MYLIP: variants seen among roughly 807,000 people sequenced by gnomAD.
MYLIP encodes myosin regulatory light chain interacting protein, also known as E3 ubiquitin-protein ligase MYLIP.
In MYLIP, 26 loss-of-function variants were observed where a neutral mutation model predicts 45.8. That is an observed-to-expected ratio of 0.57 (90% CI 0.42 to 0.79). MYLIP has a LOEUF of 0.79. MYLIP is among the 30% of genes least tolerant of loss of function. MYLIP has a pLI of 0.00. For missense variants in MYLIP, 494 were observed against 555.6 expected (o/e 0.89, Z 1.11); for synonymous variants, 213 against 218.1 (o/e 0.98, Z 0.21).
At chr6:16,131,590 C>T (rs755361705) in intron 2 of MYLIP, among the ~76,000 whole-genome samples, 17 of 152,206 alleles carry the variant, frequency 1.1e-4, no homozygotes, top group Non-Finnish European at 2.9e-5. Flanking sequence ...AGGAAAACAG[C>T]TACTTTGAAG....
intron 2 of MYLIP, among the ~76,000 whole-genome samples, chr6:16,131,338 C>T (rs1759457156): frequency 6.6e-6 from 1 of 152,132 alleles, no homozygotes; most frequent in African/African-American, 2.4e-5. Context: ...AATTCCAACC[C>T]ACAGATATGT....
chr6:16,145,598 C>T (rs1036253431), intron 6 of MYLIP, among the ~76,000 whole-genome samples: 12 of 152,192 alleles, frequency 7.9e-5, no homozygotes, highest in African/African-American at 2.9e-4. Flanking sequence ...TAGCGGCTTA[C>T]CTGAGGACAA....
chr6:16,151,879 T>C (rs1431986917), downstream of MYLIP, among the ~76,000 whole-genome samples: 1 of 152,224 alleles, frequency 6.6e-6, no homozygotes, highest in Non-Finnish European at 1.5e-5. Flanking sequence ...AGGGGGAAGC[T>C]CTTTTTTCTA....
intron 2 of MYLIP, among the ~76,000 whole-genome samples, chr6:16,134,029 C>T (rs2113518620): frequency 6.6e-6 from 1 of 152,150 alleles, no homozygotes; most frequent in East Asian, 1.9e-4. Flanking sequence ...ATCCTCAGCC[C>T]TCAGAAAAGT....
intron 2 of MYLIP, among the ~76,000 whole-genome samples, chr6:16,135,547 T>C (rs140662942): frequency 1.8e-4 from 28 of 152,164 alleles, no homozygotes; most frequent in African/African-American, 6.7e-4. Context: ...GTGACAAGTT[T>C]CTCAGTGGCA....
At position 16,143,186 on chromosome 6, in the gene MYLIP, A is replaced by G. The variant is rs1035390859; in HGVS notation, c.631A>G (p.Ile211Val). 56 of 1,614,118 alleles carry G rather than the reference A, an allele frequency of 3.5e-5. No individual in the cohort carries two copies. Among genetic ancestry groups the G allele is most frequent in the Admixed American group, 8.3e-5 (5 of 60,012 alleles). The stretch of plus-strand genomic sequence containing the variant: ...TGGGGTTGGACCTGAAGGAATCTCA[A>G]TTTGTAAAGATGACTTTAGCCCAAT... ...LIGVGPEGIS[I>V]CKDDFSPINR... is the part of the protein sequence containing the mutation. The change falls in exon 4 of 7, where the codon ATT (isoleucine) becomes GTT (valine). Residue 211 changes from isoleucine to valine, a missense_variant. Transcript: ENST00000356840.
At chr6:16,142,303 T>C (rs771740908) in intron 3 of MYLIP, among the ~76,000 whole-genome samples, 3 of 152,236 alleles carry the variant, frequency 2.0e-5, no homozygotes, top group Non-Finnish European at 2.9e-5. Flanking sequence ...AAATGCTATA[T>C]AAAATGGGAA....
At chr6:16,135,770 T>G (rs1221294640) in intron 2 of MYLIP, among the ~76,000 whole-genome samples, 1 of 146,754 alleles carries the variant, frequency 6.8e-6, no homozygotes, top group Non-Finnish European at 1.5e-5. Flanking sequence ...TATATATATA[T>G]ATATATATGT....
In MYLIP at chr6:16,129,400, C is replaced by A; in HGVS notation, c.78C>A (p.Cys26Ter). ...EVEAKANGED[C>*]LNQVCRRLGI... is the part of the protein sequence containing the mutation. Reference sequence around the variant, plus strand: ...AGGCGAAAGCCAACGGCGAGGACTGCCTCAACCAGGTGAGGGCGAGGGGCA... The same window carrying A: ...AGGCGAAAGCCAACGGCGAGGACTGACTCAACCAGGTGAGGGCGAGGGGCA... Residue 26 changes from cysteine (C) to a stop codon, truncating the protein, a stop_gained, in exon 1 of 7, where the codon TGC becomes TGA. Transcript: ENST00000356840. LOFTEE classifies it high-confidence loss of function. This position sits in a 1 kb window ranked among gnomAD's most constrained non-coding sequence, Gnocchi z 5.1. The A allele has an allele frequency of 6.3e-7, 1 of 1,588,078 alleles. No individual in the cohort carries two copies. Among genetic ancestry groups the A allele is most frequent in the Non-Finnish European group, 8.6e-7 (1 of 1,167,702 alleles).
Position 16,146,526 on chromosome 6 carries a change from A to G in MYLIP, c.1249-136A>G, listed in dbSNP as rs1468134558. 7.5e-5 allele frequency: 50 copies of G among 668,610 alleles called. No homozygotes were observed. The Middle Eastern group carries it at 1.6e-3, about 22-fold the overall frequency. 41.4% of individuals were successfully genotyped at this position (668,610 alleles called of 1,614,324 possible). On this transcript the variant is annotated intron_variant, in intron 6 of 6. Transcript: ENST00000356840. ...TGTGAGACGGCAAAGATCTCTACCA[A>G]TTGAAAGCTAGAAATCACTGTGATC...
chr6:16,143,004 T>C lies in MYLIP; in HGVS notation c.465-16T>C. On this transcript the variant is annotated splice_polypyrimidine_tract_variant and intron_variant, in intron 3 of 6. Coordinates refer to ENST00000356840, the MANE Select transcript of MYLIP (RefSeq NM_013262.4). Reference sequence around the variant, plus strand: ...TATCTGTATACTTAATTCTCTGTCCTCTTGGTGTCCTCCAGCATTGTTGCA... The same window carrying C: ...TATCTGTATACTTAATTCTCTGTCCCCTTGGTGTCCTCCAGCATTGTTGCA... 1 of 1,610,676 alleles carries C rather than the reference T, an allele frequency of 6.2e-7. No homozygotes were observed. Among genetic ancestry groups the C allele is most frequent in the South Asian group, 1.1e-5 (1 of 90,668 alleles).
chr6:16,130,743 A>T lies in MYLIP; in HGVS notation c.274A>T (p.Thr92Ser). 2.5e-6 allele frequency: 4 copies of T among 1,613,444 alleles called. No individual in the cohort carries two copies. The highest frequency in any genetic ancestry group is 3.4e-6 in the Non-Finnish European group (4 of 1,179,662). ...VEPHLILQEQ[T>S]RHIFFLHIKE... is the part of the protein sequence containing the mutation. ...GCCTCATCTCATCTTACAGGAGCAG[A>T]CTAGGTAAAGTGAGCTAAAATAAAC... The change falls in exon 2 of 7, where the codon ACT (threonine) becomes TCT (serine). Residue 92 changes from threonine to serine, a missense_variant. Thr to Ser is a moderately conservative substitution (Grantham distance 58). Transcript: ENST00000356840.
intron 2 of MYLIP, among the ~76,000 whole-genome samples, chr6:16,132,670 A>G (rs1313624149): frequency 6.6e-6 from 1 of 152,204 alleles, no homozygotes; most frequent in Non-Finnish European, 1.5e-5. Context: ...CCTCTTAATT[A>G]GGACATCAGA....
intron 2 of MYLIP, among the ~76,000 whole-genome samples, chr6:16,140,192 T>C (rs2113543861): frequency 1.3e-5 from 2 of 152,200 alleles, no homozygotes; most frequent in East Asian, 3.8e-4. Flanking sequence ...TTAGCCTTGT[T>C]TGAGAGGTTA....
At position 16,132,682 on chromosome 6, in the gene MYLIP, G is replaced by A. The variant is rs572506356; in HGVS notation, c.278+1935G>A. Among the ~76,000 whole-genome samples the A allele has an allele frequency of 2.0e-5, 3 of 152,312 alleles. No homozygotes were observed. In the East Asian group the frequency reaches 5.8e-4, roughly 29 times the overall value. ...GTACCTCTTAATTAGGACATCAGAAGCTGTACTGGGTCCAGTTTACAATTA... is the reference window on the plus strand; with the variant it reads ...GTACCTCTTAATTAGGACATCAGAAACTGTACTGGGTCCAGTTTACAATTA... On this transcript the variant is annotated intron_variant, in intron 2 of 6. Coordinates refer to ENST00000356840, the MANE Select transcript of MYLIP (RefSeq NM_013262.4).
the MYLIP span, among the ~76,000 whole-genome samples, chr6:16,160,338 G>T: frequency 0.42 from 64,235 of 152,068 alleles, 17,176 homozygotes; most frequent in East Asian, 0.75. Flanking sequence ...CTCTGCTTCT[G>T]TTCTCACAAA....
chr6:16,141,880 G>T, intron 3 of MYLIP, 70 bp downstream of exon 3: 3 of 1,395,726 alleles, frequency 2.1e-6, no homozygotes, highest in Non-Finnish European at 2.9e-6. Context: ...AAGGTTGGAA[G>T]GTAAACTAAT....
At chr6:16,158,248 A>G in the MYLIP span, among the ~76,000 whole-genome samples, 1 of 152,252 alleles carries the variant, frequency 6.6e-6, no homozygotes, top group Non-Finnish European at 1.5e-5. Context: ...GCACCGTGCA[A>G]TTCACCTCTA....
chr6:16,148,051 C>T lies in MYLIP; in HGVS notation c.*1300C>T, dbSNP rs1220353714. The stretch of plus-strand genomic sequence containing the variant: ...TTAATGTAGCAGTAATGTGTTTATG[C>T]ATTTGTTTCTTTGCACAGACATTTT... On this transcript the variant is annotated 3_prime_UTR_variant, in exon 7 of 7. Transcript: ENST00000356840. 6.6e-6 allele frequency: 1 copy of T among 152,588 alleles called. No individual in the cohort carries two copies. Among genetic ancestry groups the T allele is most frequent in the Non-Finnish European group, 1.5e-5 (1 of 68,024 alleles). 9.5% of individuals were successfully genotyped at this position (152,588 alleles called of 1,614,324 possible). A position where few individuals can be genotyped will look rare whatever the true frequency, so the allele number is the denominator to read the frequency against.
Sources: gnomAD v4.1 joint callset for allele counts (sites outside exome capture counted in the v4.1 genomes callset) on GRCh38, gnomAD v4.1.1 for gene constraint, Gnocchi (gnomAD v3.1) non-coding constraint, MANE v1.5 for transcripts, NCBI Gene and HGNC (gene_info 2026-07-23, HGNC 2026-07-21) for gene names.